The following RNF144B variants were observed in gnomAD, a reference collection of about 807,000 sequenced individuals.
RNF144B encodes the protein E3 ubiquitin-protein ligase RNF144B.
A neutral mutation model predicts 40.2 loss-of-function variants in RNF144B; 25 were observed. The ratio of observed to expected loss-of-function variants is 0.62; its 90% CI spans 0.45 to 0.87. The LOEUF is 0.87. RNF144B is among the 40% of genes least tolerant of loss of function. The pLI is 0.00. For missense variants in RNF144B, 365 were observed against 373.7 expected (o/e 0.98, Z 0.19); for synonymous variants, 145 against 136.3 (o/e 1.06, Z -0.44).
intron 1 of RNF144B, among the ~76,000 whole-genome samples, chr6:18,392,305 C>T (rs1393573228): frequency 6.6e-6 from 1 of 152,134 alleles, no homozygotes; most frequent in Non-Finnish European, 1.5e-5. Flanking sequence ...TGGACATCAG[C>T]ACCAATATAT....
chr6:18,429,209 G>T (rs1758636454), intron 3 of RNF144B, among the ~76,000 whole-genome samples: 2 of 152,062 alleles, frequency 1.3e-5, no homozygotes, highest in South Asian at 4.2e-4. Flanking sequence ...TAAAAAAAAT[G>T]GGAATGGGGG....
At chr6:18,432,483 C>G (rs557862369) in intron 3 of RNF144B, among the ~76,000 whole-genome samples, 2 of 152,356 alleles carry the variant, frequency 1.3e-5, no homozygotes, top group Non-Finnish European at 1.5e-5. Context: ...TGTACTTGAT[C>G]TTGTAATCAT....
chr6:18,465,936 G>A lies in RNF144B; in HGVS notation c.*869G>A, dbSNP rs1759564219. 6.6e-6 allele frequency: 1 copy of A among 152,212 alleles called. No homozygotes were observed. The highest frequency in any genetic ancestry group is 2.1e-4 in the South Asian group (1 of 4,828). The allele number at this position is 152,212 out of a possible 1,614,324, so 9.4% of individuals were successfully genotyped here. On this transcript the variant is annotated 3_prime_UTR_variant, in exon 8 of 8. Coordinates refer to ENST00000259939, the MANE Select transcript of RNF144B (RefSeq NM_182757.4). ...CTTTCTCAGGATCTGTGTTCACACA[G>A]CCAATAGATTTGGAATCAGGCCTAA...
chr6:18,435,618 T>G (rs1758799155), intron 3 of RNF144B, among the ~76,000 whole-genome samples: 1 of 152,186 alleles, frequency 6.6e-6, no homozygotes, highest in Non-Finnish European at 1.5e-5. Context: ...ACAAGGTAAT[T>G]GTTAATTCCA....
At position 18,439,667 on chromosome 6, in the gene RNF144B, T is replaced by C. The variant is rs756840866; in HGVS notation, c.271-17T>C. On this transcript the variant is annotated splice_polypyrimidine_tract_variant and intron_variant, in intron 3 of 7. Transcript: ENST00000259939. ...TATGATGACTGAAGTCTCAACCTTTTATGTCTCTGGTTTCAGATTGCCTGT... is the reference window on the plus strand; with the variant it reads ...TATGATGACTGAAGTCTCAACCTTTCATGTCTCTGGTTTCAGATTGCCTGT... 2 of 1,602,972 alleles carry C rather than the reference T, an allele frequency of 1.2e-6. No homozygotes were observed. Among genetic ancestry groups the C allele is most frequent in the Admixed American group, 3.3e-5 (2 of 59,984 alleles).
intron 1 of RNF144B, among the ~76,000 whole-genome samples, chr6:18,388,385 A>G (rs1794511893): frequency 1.3e-5 from 2 of 152,194 alleles, no homozygotes; most frequent in Non-Finnish European, 2.9e-5. Context: ...TTAAATGGCA[A>G]TGTATCTAAC....
At position 18,429,986 on chromosome 6, in the gene RNF144B, A is replaced by G. The variant is rs560311962; in HGVS notation, c.270+2301A>G. 5.3e-5 allele frequency among the ~76,000 whole-genome samples: 8 copies of G among 152,326 alleles called. No individual in the cohort carries two copies. The South Asian group carries it at 1.5e-3, about 28-fold the overall frequency. On this transcript the variant is annotated intron_variant, in intron 3 of 7. Transcript: ENST00000259939. ...TGAAATGCAAGAAGTGGGGCAGGCA[A>G]CAGGAGCTGTGTCTGCTATGAAATC...
In RNF144B at chr6:18,444,405, G is replaced by A. The variant is rs1316162517; in HGVS notation, c.331+4661G>A. 6.6e-6 allele frequency among the ~76,000 whole-genome samples: 1 copy of A among 152,134 alleles called. No homozygotes were observed. The highest frequency in any genetic ancestry group is 1.5e-5 in the Non-Finnish European group (1 of 68,010). On this transcript the variant is annotated intron_variant, in intron 4 of 7. Coordinates refer to ENST00000259939, the MANE Select transcript of RNF144B (RefSeq NM_182757.4). The surrounding 1 kb of genome is among the most constrained non-coding windows in gnomAD (Gnocchi z 4.3). The stretch of plus-strand genomic sequence containing the variant: ...CCAGTGGTTCTCAAAGTACATGCCC[G>A]ATGATTAATGCAAGAATTTTTCTTG...
chr6:18,390,246 T>C (rs554306512), intron 1 of RNF144B, among the ~76,000 whole-genome samples: 1 of 152,242 alleles, frequency 6.6e-6, no homozygotes, highest in Non-Finnish European at 1.5e-5. Flanking sequence ...GACACCTAAG[T>C]TAATTTATGT....
chr6:18,403,845 G>T (rs1245482500), intron 2 of RNF144B, among the ~76,000 whole-genome samples: 2 of 152,204 alleles, frequency 1.3e-5, no homozygotes, highest in Non-Finnish European at 2.9e-5. Flanking sequence ...AGCAGAGAAG[G>T]TCAAAGGGAA....
chr6:18,441,302 G>T lies in RNF144B; in HGVS notation c.331+1558G>T, dbSNP rs1758960339. Among the ~76,000 whole-genome samples, 1 of 152,172 alleles carries T rather than the reference G, an allele frequency of 6.6e-6. No homozygotes were observed. Among genetic ancestry groups the T allele is most frequent in the Admixed American group, 6.5e-5 (1 of 15,270 alleles). On this transcript the variant is annotated intron_variant, in intron 4 of 7. Coordinates refer to ENST00000259939, the MANE Select transcript of RNF144B (RefSeq NM_182757.4). The surrounding 1 kb of genome is among the most constrained non-coding windows in gnomAD (Gnocchi z 4.9). Reference sequence around the variant, plus strand: ...ATGCCTGGCTGGTAGCAAGTACCATGATTTGAGTGCTTTTACCTGGAGAAA... The same window carrying T: ...ATGCCTGGCTGGTAGCAAGTACCATTATTTGAGTGCTTTTACCTGGAGAAA...
At chr6:18,432,618 C>T (rs956040566) in intron 3 of RNF144B, among the ~76,000 whole-genome samples, 1 of 152,174 alleles carries the variant, frequency 6.6e-6, no homozygotes, top group Non-Finnish European at 1.5e-5. Context: ...TAAGCAGTTC[C>T]CATGTAGTGT....
At chr6:18,445,441 G>T (rs1242436061) in intron 4 of RNF144B, among the ~76,000 whole-genome samples, 1 of 152,170 alleles carries the variant, frequency 6.6e-6, no homozygotes, top group Non-Finnish European at 1.5e-5. Context: ...TCAGAATACA[G>T]AAGTAGAAAA....
In RNF144B at chr6:18,416,602, G is replaced by A. The variant is rs959640135; in HGVS notation, c.166-10979G>A. ...ATGACTGTCCTCAAACTTACAAGGT[G>A]GATCTTAGTAATCTTTTCCAGAAAA... On this transcript the variant is annotated intron_variant, in intron 2 of 7. Coordinates refer to ENST00000259939, the MANE Select transcript of RNF144B (RefSeq NM_182757.4). This position sits in a 1 kb window ranked among gnomAD's most constrained non-coding sequence, Gnocchi z 5.5. 2.1e-4 allele frequency among the ~76,000 whole-genome samples: 32 copies of A among 152,114 alleles called. No individual in the cohort carries two copies. The highest frequency in any genetic ancestry group is 6.5e-4 in the African/African-American group (27 of 41,422).
In RNF144B at chr6:18,399,609, C is replaced by T. The variant is rs150237443; in HGVS notation, c.75C>T (p.Ala25=). The change falls in exon 2 of 8, where the codon GCC becomes GCT. Residue 25 remains alanine, a synonymous_variant. Transcript: ENST00000259939. Reference sequence around the variant, plus strand: ...CCACTCCTGGAGACCTGGCTCCGGCCCCCCTCATCACTTGCAAACTCTGCC... The same window carrying T: ...CCACTCCTGGAGACCTGGCTCCGGCTCCCCTCATCACTTGCAAACTCTGCC... ...ENPTPGDLAP[A]PLITCKLCLC... is the part of the protein sequence containing the mutation. 3.7e-6 allele frequency: 6 copies of T among 1,614,174 alleles called. No individual in the cohort carries two copies. The highest frequency in any genetic ancestry group is 1.1e-5 in the South Asian group (1 of 91,082).
In RNF144B at chr6:18,395,655, G is replaced by A. The variant is rs1472292621; in HGVS notation, c.-36-3844G>A. 6.6e-6 allele frequency among the ~76,000 whole-genome samples: 1 copy of A among 151,892 alleles called. No individual in the cohort carries two copies. The highest frequency in any genetic ancestry group is 2.4e-5 in the African/African-American group (1 of 41,326). On this transcript the variant is annotated intron_variant, in intron 1 of 7. Transcript: ENST00000259939. This position sits in a 1 kb window ranked among gnomAD's most constrained non-coding sequence, Gnocchi z 4.5. The stretch of plus-strand genomic sequence containing the variant: ...ATCCATTGTTGGTTTTGCCCAAAGT[G>A]AGAAACGAAAGGGTTGGTTTTTAGT...
Position 18,434,637 on chromosome 6 carries a change from T to G in RNF144B, c.271-5047T>G, listed in dbSNP as rs972037864. ...GTGTTTTTGTTTTGTTTGTTTGTTT[T>G]TTTAGACAGAGTCTTGCTCTGTCGC... On this transcript the variant is annotated intron_variant, in intron 3 of 7. Transcript: ENST00000259939. This position sits in a 1 kb window ranked among gnomAD's most constrained non-coding sequence, Gnocchi z 4.1. 1.3e-5 allele frequency among the ~76,000 whole-genome samples: 2 copies of G among 151,804 alleles called. No individual in the cohort carries two copies. The highest frequency in any genetic ancestry group is 2.4e-5 in the African/African-American group (1 of 41,128).
rs1176947204 is a variant in RNF144B at position 18,400,289 on chromosome 6, AT to A, written c.165+593del. ...CTCTGTCTCAAAAAAAAAAAAAAAA[AT>A]TTAACATGCTGTAGTTAACTACCAC... is the stretch of plus-strand genomic sequence containing the variant. On this transcript the variant is annotated intron_variant, in intron 2 of 7. Coordinates refer to ENST00000259939, the MANE Select transcript of RNF144B (RefSeq NM_182757.4). The surrounding 1 kb of genome is among the most constrained non-coding windows in gnomAD (Gnocchi z 5.6). Among the ~76,000 whole-genome samples the A allele has an allele frequency of 2.1e-5, 3 of 145,760 alleles. No individual in the cohort carries two copies. The highest frequency in any genetic ancestry group is 3.0e-5 in the Non-Finnish European group (2 of 65,712).
intron 2 of RNF144B, among the ~76,000 whole-genome samples, chr6:18,403,507 C>T (rs1296141180): frequency 3.3e-5 from 5 of 152,186 alleles, no homozygotes; most frequent in Non-Finnish European, 5.9e-5. Context: ...GTTCTATTGG[C>T]TCTAGGTAGT....
Sources: allele counts gnomAD v4.1 joint callset (sites outside exome capture counted in the v4.1 genomes callset), GRCh38; gene constraint gnomAD v4.1.1; non-coding constraint Gnocchi (gnomAD v3.1); transcripts MANE v1.5; gene names NCBI Gene and HGNC (gene_info 2026-07-23, HGNC 2026-07-21).